The following ZSWIM5 variants were observed in gnomAD, a reference collection of about 807,000 sequenced individuals.
The protein encoded by ZSWIM5 is zinc finger SWIM domain-containing protein 5.
A neutral mutation model predicts 119.6 loss-of-function variants in ZSWIM5; 55 were observed. The observed-to-expected ratio is 0.46, with a 90% confidence interval of 0.37 to 0.58. ZSWIM5 has a LOEUF of 0.58. ZSWIM5 is among the 20% of genes least tolerant of loss of function. ZSWIM5 has a pLI of 0.00. For missense variants in ZSWIM5, 1,193 were observed against 1,512.8 expected, an observed-to-expected ratio of 0.79 and a Z score of 3.51; for synonymous variants, 537 against 606.9, an observed-to-expected ratio of 0.88 and a Z score of 1.69.
intron 1 of ZSWIM5, among the ~76,000 whole-genome samples, chr1:45,204,555 G>T (rs1453999382): frequency 2.6e-5 from 4 of 152,156 alleles, no homozygotes; most frequent in South Asian, 2.1e-4. Context: ...AGGAATCAAT[G>T]ATTCTCAATA....
At chr1:45,027,368 G>A (rs1160920450) in intron 11 of ZSWIM5, among the ~76,000 whole-genome samples, 1 of 151,632 alleles carries the variant, frequency 6.6e-6, no homozygotes, top group Non-Finnish European at 1.5e-5. Context: ...TTAGATGATT[G>A]ATTTTATTTT....
intron 4 of ZSWIM5, 25 bp from the exon 5 acceptor site, chr1:45,051,278 C>G: frequency 6.2e-7 from 1 of 1,603,892 alleles, no homozygotes; most frequent in Non-Finnish European, 8.5e-7. Context: ...AACCCATATT[C>G]TTAACATCTC....
chr1:45,054,141 G>C (rs950088577), intron 4 of ZSWIM5, among the ~76,000 whole-genome samples: 2 of 152,038 alleles, frequency 1.3e-5, no homozygotes, highest in Non-Finnish European at 2.9e-5. Flanking sequence ...GGCTGAGTGT[G>C]ATAGCCTCTG....
intron 1 of ZSWIM5, among the ~76,000 whole-genome samples, chr1:45,167,938 T>G (rs1352182334): frequency 6.6e-6 from 1 of 152,064 alleles, no homozygotes; most frequent in Non-Finnish European, 1.5e-5. Flanking sequence ...GATCTAGAAC[T>G]AGAAATACCA....
intron 1 of ZSWIM5, among the ~76,000 whole-genome samples, chr1:45,128,419 G>A (rs1166830003): frequency 6.6e-6 from 1 of 151,956 alleles, no homozygotes; most frequent in Non-Finnish European, 1.5e-5. Context: ...GGCTGGTCTT[G>A]AACTCCTGGC....
At position 45,206,159 on chromosome 1, in the gene ZSWIM5, G is replaced by A. The variant is rs1557799703; in HGVS notation, c.192C>T (p.Ser64=). The A allele has an allele frequency of 6.2e-7, 1 of 1,609,100 alleles. No individual in the cohort carries two copies. Residue 64 remains serine (S), a synonymous_variant, in exon 1 of 14, where the codon TCC becomes TCT. Coordinates refer to ENST00000359600, the MANE Select transcript of ZSWIM5 (RefSeq NM_020883.2). ...CCGTCTTGGCGGCGCAGTCCAGTAA[G>A]GAATCCGGCTGCAGGTGGGGGCGGG... ...LGARPHLQPD[S]LLDCAAKTVA...
chr1:45,188,130 C>CAAAAGCTTGTATGCA (rs1553202297), intron 1 of ZSWIM5, among the ~76,000 whole-genome samples: 1 of 152,128 alleles, frequency 6.6e-6, no homozygotes, highest in Non-Finnish European at 1.5e-5. Flanking sequence ...CGTATCCACA[C>CAAAAGCTTGTATGCA]AAAAGCTTGT....
intron 7 of ZSWIM5, among the ~76,000 whole-genome samples, chr1:45,039,774 G>A (rs1259101852): frequency 1.3e-5 from 2 of 150,558 alleles, no homozygotes; most frequent in African/African-American, 4.9e-5. Context: ...GTGTGATCTC[G>A]GCTCACTGCA....
At chr1:45,101,186 A>G (rs1645437685) in intron 1 of ZSWIM5, among the ~76,000 whole-genome samples, 1 of 152,182 alleles carries the variant, frequency 6.6e-6, no homozygotes, top group Non-Finnish European at 1.5e-5. Context: ...AAGAACTTAA[A>G]CAAATTTACA....
intron 11 of ZSWIM5, among the ~76,000 whole-genome samples, chr1:45,029,222 T>C (rs1644938049): frequency 6.6e-6 from 1 of 152,252 alleles, no homozygotes; most frequent in African/African-American, 2.4e-5. Context: ...TTTATACAAG[T>C]TCATGTGTTG....
At chr1:45,196,978 C>T (rs1475196469) in intron 1 of ZSWIM5, among the ~76,000 whole-genome samples, 1 of 152,160 alleles carries the variant, frequency 6.6e-6, no homozygotes, top group African/African-American at 2.4e-5. Flanking sequence ...CCTGGAGAAC[C>T]CACACCTCTG....
At chr1:45,047,076 A>G (rs985243637) in intron 5 of ZSWIM5, among the ~76,000 whole-genome samples, 4 of 151,352 alleles carry the variant, frequency 2.6e-5, no homozygotes, top group African/African-American at 9.7e-5. Flanking sequence ...CCTGGGCACT[A>G]TGGCATTTTA....
intron 1 of ZSWIM5, among the ~76,000 whole-genome samples, chr1:45,162,218 G>A (rs563188222): frequency 2.9e-4 from 44 of 152,352 alleles, no homozygotes; most frequent in South Asian, 6.2e-4. Flanking sequence ...AGCTGGGCAT[G>A]GTGGCTCACG....
chr1:45,098,506 C>A (rs1645417960), intron 1 of ZSWIM5, among the ~76,000 whole-genome samples: 1 of 152,126 alleles, frequency 6.6e-6, no homozygotes, highest in Admixed American at 6.6e-5. Context: ...AATATCATGT[C>A]ATTCCTATAA....
In ZSWIM5 at chr1:45,028,229, A is replaced by AT. The variant is rs1369191154; in HGVS notation, c.2449+6082dup. The stretch of plus-strand genomic sequence containing the variant: ...GATGAAGTCTAATTTACCTATCTAT[A>AT]TTTTTTTTGTTGTTCATGCTTTTGA... On this transcript the variant is annotated intron_variant, in intron 11 of 13. Coordinates refer to ENST00000359600, the MANE Select transcript of ZSWIM5 (RefSeq NM_020883.2). 7.9e-5 allele frequency among the ~76,000 whole-genome samples: 12 copies of AT among 152,086 alleles called. No individual in the cohort carries two copies. The East Asian group carries it at 1.3e-3, about 17-fold the overall frequency.
At chr1:45,152,540 GGTTAGA>G (rs1557781659) in intron 1 of ZSWIM5, among the ~76,000 whole-genome samples, 1 of 151,936 alleles carries the variant, frequency 6.6e-6, no homozygotes, top group African/African-American at 2.4e-5. Context: ...CTGGGTAGCT[GGTTAGA>G]GATATGCAGA....
At chr1:45,049,687 G>A (rs919728689) in intron 5 of ZSWIM5, among the ~76,000 whole-genome samples, 1 of 152,048 alleles carries the variant, frequency 6.6e-6, no homozygotes, top group African/African-American at 2.4e-5. Context: ...GGTGGCCCAC[G>A]CCTGTAGTCC....
chr1:45,080,935 A>T (rs1645286106), intron 2 of ZSWIM5, among the ~76,000 whole-genome samples: 1 of 152,198 alleles, frequency 6.6e-6, no homozygotes, highest in Admixed American at 6.5e-5. Context: ...TATAGGGACT[A>T]ATACAAGAAA....
At chr1:45,040,589 A>AAAAT (rs752420989) in intron 6 of ZSWIM5, 51 bp from the exon 7 acceptor site, 1 of 1,512,820 alleles carries the variant, frequency 6.6e-7, no homozygotes, top group Non-Finnish European at 8.9e-7. Flanking sequence ...TCAAGTCAGG[A>AAAAT]AAATTTATAC....
Sources: gnomAD v4.1 joint callset for allele counts (sites outside exome capture counted in the v4.1 genomes callset) on GRCh38, gnomAD v4.1.1 for gene constraint, MANE v1.5 for transcripts, NCBI Gene and HGNC (gene_info 2026-07-23, HGNC 2026-07-21) for gene names.